Variants in NFIA observed in about 807,000 individuals in gnomAD.
NFIA encodes the protein nuclear factor 1 A-type.
Under a neutral mutation model 62.8 loss-of-function variants are expected in NFIA, and 8 were observed. That is an observed-to-expected ratio of 0.13 (90% CI 0.07 to 0.23). The LOEUF is 0.23. Among genes scored for constraint, NFIA ranks in the 10% least tolerant of loss-of-function variants. The probability of loss-of-function intolerance (pLI) is 1.00; values close to 1 mark genes in which losing one functional copy is unlikely to be tolerated. For missense variants in NFIA, 410 were observed against 642.1 expected, an observed-to-expected ratio of 0.64 and a Z score of 3.91; for synonymous variants, 235 against 238.1, an observed-to-expected ratio of 0.99 and a Z score of 0.12.
intron 9 of NFIA, among the ~76,000 whole-genome samples, chr1:61,414,647 T>C (rs961665704): frequency 2.0e-5 from 3 of 152,102 alleles, no homozygotes; most frequent in Admixed American, 6.5e-5. Flanking sequence ...GTGCATCTTA[T>C]TAGCAGGTAA....
chr1:61,193,406 C>T (rs975238009), intron 2 of NFIA, among the ~76,000 whole-genome samples: 3 of 152,194 alleles, frequency 2.0e-5, no homozygotes, highest in Non-Finnish European at 4.4e-5. Flanking sequence ...GAAGTGACAA[C>T]TAATGACATG....
intron 10 of NFIA, among the ~76,000 whole-genome samples, chr1:61,454,378 T>A (rs1240260587): frequency 6.6e-6 from 1 of 152,172 alleles, no homozygotes; most frequent in Non-Finnish European, 1.5e-5. Flanking sequence ...GCAGATAAAG[T>A]GATATATGAC....
In NFIA at chr1:61,455,524, TTTA is replaced by T; in HGVS notation, c.*205_*207del. On this transcript the variant is annotated 3_prime_UTR_variant, in exon 11 of 11. Coordinates refer to ENST00000403491, the MANE Select transcript of NFIA (RefSeq NM_001134673.4). Reference sequence around the variant, plus strand: ...CATAACCTTTTGGGATTTTTTTTTTTTTAAAATACTTTAGGGACTGTTGTAATT... The same window carrying T: ...CATAACCTTTTGGGATTTTTTTTTTTAAATACTTTAGGGACTGTTGTAATT... The T allele has an allele frequency of 2.8e-6, 2 of 716,174 alleles. No homozygotes were observed. The highest frequency in any genetic ancestry group is 1.8e-5 in the African/African-American group (1 of 55,296). 44.4% of individuals were successfully genotyped at this position (716,174 alleles called of 1,614,324 possible). A position where few individuals can be genotyped will look rare whatever the true frequency, so the allele number is the denominator to read the frequency against.
At chr1:61,337,725 T>A (rs960556798) in intron 4 of NFIA, among the ~76,000 whole-genome samples, 1 of 152,202 alleles carries the variant, frequency 6.6e-6, no homozygotes, top group Non-Finnish European at 1.5e-5. Flanking sequence ...TTGGTCTCTT[T>A]CCCTTGAAGT....
intron 3 of NFIA, among the ~76,000 whole-genome samples, chr1:61,294,243 C>T (rs138160064): frequency 2.8e-4 from 42 of 152,338 alleles, no homozygotes; most frequent in African/African-American, 8.9e-4. Flanking sequence ...TATATTCACT[C>T]ATTCAACCAA....
At chr1:61,287,943 C>A (rs985432706) in intron 3 of NFIA, among the ~76,000 whole-genome samples, 4 of 152,130 alleles carry the variant, frequency 2.6e-5, no homozygotes, top group African/African-American at 7.2e-5. Flanking sequence ...AAAATGAAAT[C>A]TGGGAAGAGT....
At chr1:61,222,765 TG>T (rs1329023250) in intron 2 of NFIA, among the ~76,000 whole-genome samples, 1 of 152,086 alleles carries the variant, frequency 6.6e-6, no homozygotes, top group Non-Finnish European at 1.5e-5. Context: ...CCTTCATATA[TG>T]TAAGATATGT....
At chr1:61,161,615 ACACACG>A (rs1649211679) in intron 2 of NFIA, among the ~76,000 whole-genome samples, 1 of 124,168 alleles carries the variant, frequency 8.1e-6, no homozygotes. Context: ...ACACACACAC[ACACACG>A]CAGACAGTCT....
At chr1:61,345,599 A>G (rs565782422) in intron 4 of NFIA, among the ~76,000 whole-genome samples, 2 of 152,180 alleles carry the variant, frequency 1.3e-5, no homozygotes, top group African/African-American at 4.8e-5. Context: ...GTGAGTGAGC[A>G]TTGCTCCCTG....
At chr1:61,254,380 G>C (rs935269986) in intron 2 of NFIA, among the ~76,000 whole-genome samples, 1 of 152,148 alleles carries the variant, frequency 6.6e-6, no homozygotes, top group Admixed American at 6.5e-5. Context: ...AGCTTACACA[G>C]GTCTGTAGTT....
chr1:61,104,768 TA>T (rs1260817654), intron 2 of NFIA, among the ~76,000 whole-genome samples: 1 of 152,030 alleles, frequency 6.6e-6, no homozygotes, highest in Non-Finnish European at 1.5e-5. Flanking sequence ...TTTCTTTTTT[TA>T]AAACTAAGAT....
intron 6 of NFIA, among the ~76,000 whole-genome samples, chr1:61,369,443 TAGAA>T (rs10608270): frequency 0.084 from 12,836 of 152,126 alleles, 802 homozygotes; most frequent in East Asian, 0.31. Context: ...CGATCATTGA[TAGAA>T]AGATAATAGA....
At chr1:61,452,189 C>G (rs903844223) in intron 10 of NFIA, among the ~76,000 whole-genome samples, 1 of 152,104 alleles carries the variant, frequency 6.6e-6, no homozygotes, top group Admixed American at 6.5e-5. Context: ...GACTGTCACA[C>G]TCATCCCAAT....
intron 2 of NFIA, among the ~76,000 whole-genome samples, chr1:61,134,360 G>A (rs1381736991): frequency 6.6e-6 from 1 of 151,448 alleles, no homozygotes; most frequent in Non-Finnish European, 1.5e-5. Flanking sequence ...ATCCCATTAT[G>A]CACAGCTCTC....
At chr1:61,205,822 A>G (rs1652854644) in intron 2 of NFIA, among the ~76,000 whole-genome samples, 1 of 150,752 alleles carries the variant, frequency 6.6e-6, no homozygotes, top group Non-Finnish European at 1.5e-5. Flanking sequence ...ACAGGTTACC[A>G]TGTTTTACCT....
At chr1:61,187,285 A>G (rs913463069) in intron 2 of NFIA, among the ~76,000 whole-genome samples, 10 of 152,098 alleles carry the variant, frequency 6.6e-5, no homozygotes, top group African/African-American at 2.4e-4. Flanking sequence ...CCCCCTTCTC[A>G]TGTTAGCATC....
intron 2 of NFIA, among the ~76,000 whole-genome samples, chr1:61,096,773 G>A (rs1646423246): frequency 6.6e-6 from 1 of 150,844 alleles, no homozygotes; most frequent in African/African-American, 2.4e-5. Context: ...GGCTGGACTC[G>A]AACTCCTGAC....
chr1:61,096,682 A>T (rs1233730876), intron 2 of NFIA, among the ~76,000 whole-genome samples: 1 of 148,944 alleles, frequency 6.7e-6, no homozygotes, highest in Non-Finnish European at 1.5e-5. Context: ...TCTCCTGAGT[A>T]GCTGGGATTA....
chr1:61,102,274 A>T (rs527784897), intron 2 of NFIA, among the ~76,000 whole-genome samples: 49 of 152,310 alleles, frequency 3.2e-4, no homozygotes, highest in African/African-American at 1.0e-3. Context: ...AGCGAACTTG[A>T]TATAGTTCAT....
Sources: gnomAD v4.1 joint callset for allele counts (sites outside exome capture counted in the v4.1 genomes callset) on GRCh38, gnomAD v4.1.1 for gene constraint, MANE v1.5 for transcripts, NCBI Gene and HGNC (gene_info 2026-07-23, HGNC 2026-07-21) for gene names.